TMPRSS9: variants seen among roughly 807,000 people sequenced by gnomAD.
TMPRSS9 encodes transmembrane serine protease 9.
TMPRSS9 carries 113 observed loss-of-function variants against 111.4 expected under a neutral mutation model. The ratio of observed to expected loss-of-function variants is 1.01; its 90% CI spans 0.87 to 1.19. The LOEUF is 1.19. TMPRSS9 is among the 50% of genes most tolerant of loss of function. TMPRSS9 has a pLI of 0.00. For missense variants in TMPRSS9, 1,803 were observed against 1,513.1 expected (o/e 1.19, Z -3.18); for synonymous variants, 805 against 659.1 (o/e 1.22, Z -3.39).
At chr19:2,372,722 G>C (rs1296051360) in intron 1 of TMPRSS9, among the ~76,000 whole-genome samples, 1 of 152,024 alleles carries the variant, frequency 6.6e-6, no homozygotes, top group Non-Finnish European at 1.5e-5. Flanking sequence ...AGCACTAAAT[G>C]ATTTTCTTTT....
intron 12 of TMPRSS9, 124 bp downstream of exon 13, chr19:2,416,933 C>T (rs1460021264): frequency 7.9e-7 from 1 of 1,266,500 alleles, no homozygotes; most frequent in Non-Finnish European, 1.1e-6. Context: ...ACCTCTGTGG[C>T]TGATCCCTTT....
exon 6 of TMPRSS9, chr19:2,403,180 G>C (rs1191590427): frequency 2.5e-6 from 4 of 1,609,034 alleles, no homozygotes; most frequent in Non-Finnish European, 3.4e-6. Flanking sequence ...CGATGGGTCC[G>C]ACGAGGCGCA....
At chr19:2,389,291 T>G (rs564480646), upstream of TMPRSS9, among the ~76,000 whole-genome samples, 5 of 151,276 alleles carry the variant, frequency 3.3e-5, no homozygotes, top group Admixed American at 3.3e-4. Context: ...GCCAGGCTGG[T>G]CTCAAACTCT....
chr19:2,425,858 G>T, intron 17 of TMPRSS9, 69 bp from the exon 19 acceptor site: 1 of 1,508,116 alleles, frequency 6.6e-7, no homozygotes, highest in African/African-American at 1.4e-5. Flanking sequence ...TCCTAGAGGG[G>T]CCAATGACCC....
chr19:2,410,545 C>T, intron 9 of TMPRSS9, 151 bp downstream of exon 10: 1 of 1,157,376 alleles, frequency 8.6e-7, no homozygotes, highest in South Asian at 1.6e-5. Context: ...TGTTCAAATG[C>T]TGGGCGATTC....
rs554449330 is a variant in TMPRSS9 at position 2,422,164 on chromosome 19, C to A, written c.2465C>A (p.Thr822Asn). 158 of 1,581,248 alleles carry A rather than the reference C, an allele frequency of 1.0e-4. 1 individual carries two copies. In the South Asian group the frequency reaches 1.6e-3, roughly 16 times the overall value. ...GTGACGGGCCAACCTGCCAACTCAACCTTATCTGCCGTGAGCACCACTGCT... is the reference window on the plus strand; with the variant it reads ...GTGACGGGCCAACCTGCCAACTCAAACTTATCTGCCGTGAGCACCACTGCT... The change falls in exon 14 of 18, where the codon ACC becomes AAC. Residue 822 changes from threonine (T) to asparagine (N), a missense_variant. By Grantham distance (65) the Thr-to-Asn change is moderately conservative (BLOSUM62 0). Coordinates refer to ENST00000648592, the Ensembl canonical transcript of TMPRSS9.
chr19:2,389,784 C>G (rs368101682), exon 1 of TMPRSS9: 2 of 1,611,836 alleles, frequency 1.2e-6, no homozygotes, highest in African/African-American at 2.7e-5. Flanking sequence ...TGTCTCTGAG[C>G]CATGGAGCCC....
chr19:2,423,667 G>T (rs1971519567), intron 14 of TMPRSS9, among the ~76,000 whole-genome samples: 1 of 152,142 alleles, frequency 6.6e-6, no homozygotes, highest in Non-Finnish European at 1.5e-5. Flanking sequence ...GAAGGCCTTT[G>T]CGCTTGGCAC....
At chr19:2,397,115 T>G (rs1390152246) in intron 2 of TMPRSS9, among the ~76,000 whole-genome samples, 2 of 151,782 alleles carry the variant, frequency 1.3e-5, no homozygotes, top group Non-Finnish European at 2.9e-5. Flanking sequence ...GAGACGGGGT[T>G]TCACCATGTA....
intron 13 of TMPRSS9, among the ~76,000 whole-genome samples, 170 bp downstream of exon 14, chr19:2,418,308 TCCC>T (rs1971314844): frequency 1.0e-4 from 2 of 19,874 alleles, no homozygotes; most frequent in African/African-American, 1.3e-3. Flanking sequence ...TCCCTCCCTT[TCCC>T]TCCCTCCCTC....
chr19:2,409,780 G>C (rs1449816330), intron 8 of TMPRSS9, among the ~76,000 whole-genome samples: 1 of 152,132 alleles, frequency 6.6e-6, no homozygotes, highest in African/African-American at 2.4e-5. Flanking sequence ...TATTTAGCAA[G>C]GGTGGTGCTG....
At chr19:2,374,228 T>C (rs1970312102) in intron 1 of TMPRSS9, among the ~76,000 whole-genome samples, 1 of 149,428 alleles carries the variant, frequency 6.7e-6, no homozygotes, top group Non-Finnish European at 1.5e-5. Flanking sequence ...ATTAATTTCA[T>C]GCTGATTTCT....
exon 17 of TMPRSS9, chr19:2,425,490 C>G: frequency 6.3e-7 from 1 of 1,579,216 alleles, no homozygotes; most frequent in Non-Finnish European, 8.6e-7. Context: ...TGGACAGCTG[C>G]TCGGTGAGCC....
At chr19:2,401,253 G>A (rs1013478217) in intron 4 of TMPRSS9, among the ~76,000 whole-genome samples, 20 of 151,800 alleles carry the variant, frequency 1.3e-4, no homozygotes, top group African/African-American at 3.4e-4. Context: ...CAGCCTGGGC[G>A]ACAGAGGGAG....
chr19:2,363,482 G>A (rs916120185), intron 1 of TMPRSS9, among the ~76,000 whole-genome samples: 1 of 151,262 alleles, frequency 6.6e-6, no homozygotes, highest in Non-Finnish European at 1.5e-5. Context: ...AGACACATGG[G>A]TGGAGATTTG....
exon 2 of TMPRSS9, chr19:2,396,612 G>A (rs768707565): frequency 6.2e-7 from 1 of 1,602,854 alleles, no homozygotes; most frequent in South Asian, 1.1e-5. Context: ...CCAGCAGTTT[G>A]CGGCGGGAGA....
chr19:2,374,248 CTTTTTTTTTTTTTTTTTTTTTTT>C (rs1027376774), intron 1 of TMPRSS9, among the ~76,000 whole-genome samples: 9 of 70,398 alleles, frequency 1.3e-4, no homozygotes, highest in Non-Finnish European at 1.6e-4. Context: ...TCTCAACAAT[CTTTTTTTTTTTTTTTTTTTTTTT>C]TTTTTTTTTT....
chr19:2,409,325 G>T (rs1426901755), intron 8 of TMPRSS9, among the ~76,000 whole-genome samples: 1 of 151,678 alleles, frequency 6.6e-6, no homozygotes, highest in Non-Finnish European at 1.5e-5. Context: ...GTATTTTTTA[G>T]TAGAGACAAA....
chr19:2,390,021 A>C, intron 1 of TMPRSS9, 94 bp downstream of exon 2: 1 of 1,492,048 alleles, frequency 6.7e-7, no homozygotes, highest in Non-Finnish European at 9.1e-7. Flanking sequence ...GGCCATCTGG[A>C]ATCAAAGGGC....
Sources: allele counts gnomAD v4.1 joint callset (sites outside exome capture counted in the v4.1 genomes callset), GRCh38; gene constraint gnomAD v4.1.1; transcripts MANE v1.5; gene names NCBI Gene and HGNC (gene_info 2026-07-23, HGNC 2026-07-21).